The following ADK variants were observed in gnomAD, a reference collection of about 807,000 sequenced individuals.
ADK encodes adenosine kinase.
A neutral mutation model predicts 44.7 loss-of-function variants in ADK; 24 were observed. That is an observed-to-expected ratio of 0.54 (90% confidence interval 0.39 to 0.76). The LOEUF (loss-of-function observed/expected upper bound fraction) is 0.76. Among genes scored for constraint, ADK ranks in the 30% least tolerant of loss-of-function variants. The pLI is 0.00. For synonymous variants in ADK, 128 were observed against 142.6 expected (o/e 0.90, Z 0.73); for missense variants, 321 against 425.1 (o/e 0.76, Z 2.15).
At chr10:74,541,234 C>T (rs1022013596) in intron 7 of ADK, among the ~76,000 whole-genome samples, 26 of 152,084 alleles carry the variant, frequency 1.7e-4, no homozygotes, top group African/African-American at 5.6e-4. Context: ...ATGCTGGTCT[C>T]GAACTCCTGA....
intron 3 of ADK, among the ~76,000 whole-genome samples, chr10:74,310,244 T>C (rs549717742): frequency 5.9e-5 from 9 of 152,286 alleles, no homozygotes; most frequent in East Asian, 3.9e-4. Context: ...GAAAAAGTCA[T>C]GTAAGGAAAA....
intron 3 of ADK, among the ~76,000 whole-genome samples, chr10:74,251,993 T>C (rs73284278): frequency 0.12 from 18,218 of 151,388 alleles, 1,126 homozygotes; most frequent in Middle Eastern, 0.2. Context: ...CCATTTTTCT[T>C]GCTAGTCATT....
At chr10:74,251,917 G>A (rs200702512) in intron 3 of ADK, among the ~76,000 whole-genome samples, 1 of 10,660 alleles carries the variant, frequency 9.4e-5, no homozygotes, top group African/African-American at 3.9e-4. Context: ...TTTTTTTTTT[G>A]TCGACTCACC....
intron 4 of ADK, among the ~76,000 whole-genome samples, chr10:74,355,524 T>C (rs2131921038): frequency 6.6e-6 from 1 of 152,356 alleles, no homozygotes; most frequent in South Asian, 2.1e-4. Context: ...ATAACTTTTA[T>C]CTTCTTTAAT....
chr10:74,459,898 G>T (rs1229933948), intron 6 of ADK, among the ~76,000 whole-genome samples: 1 of 151,752 alleles, frequency 6.6e-6, no homozygotes, highest in African/African-American at 2.4e-5. Flanking sequence ...AGTTAAAAAA[G>T]AAAAAAGTAT....
At chr10:74,358,777 T>A (rs1842226053) in intron 4 of ADK, among the ~76,000 whole-genome samples, 3 of 152,254 alleles carry the variant, frequency 2.0e-5, no homozygotes, top group African/African-American at 4.8e-5. Flanking sequence ...GAAGTGCAGA[T>A]GAATCGAACA....
At chr10:74,357,299 G>T (rs1209948404) in intron 4 of ADK, among the ~76,000 whole-genome samples, 1 of 152,084 alleles carries the variant, frequency 6.6e-6, no homozygotes, top group African/African-American at 2.4e-5. Context: ...GACCTTTGTA[G>T]TGTGGTGGTG....
chr10:74,665,697 T>C (rs2038016342), intron 9 of ADK, among the ~76,000 whole-genome samples: 1 of 146,142 alleles, frequency 6.8e-6, no homozygotes, highest in African/African-American at 2.6e-5. Context: ...ATCACACCAC[T>C]GCACTCCAGC....
chr10:74,460,834 A>G (rs918484652), intron 6 of ADK, among the ~76,000 whole-genome samples: 3 of 152,208 alleles, frequency 2.0e-5, no homozygotes, highest in African/African-American at 7.2e-5. Context: ...AATTACAAAT[A>G]GCTTAAGAAA....
chr10:74,270,259 G>A (rs987154683), intron 3 of ADK, among the ~76,000 whole-genome samples: 8 of 151,978 alleles, frequency 5.3e-5, no homozygotes, highest in Non-Finnish European at 8.8e-5. Context: ...AAATGGAAAC[G>A]GTTGAAAATA....
intron 8 of ADK, among the ~76,000 whole-genome samples, chr10:74,598,582 C>T (rs1203452071): frequency 6.6e-6 from 1 of 151,114 alleles, no homozygotes; most frequent in Admixed American, 6.6e-5. Flanking sequence ...TCCCAAGTAG[C>T]TAGGACTACA....
At chr10:74,666,830 C>CTTTTTTTT (rs11317030) in intron 9 of ADK, among the ~76,000 whole-genome samples, 2 of 109,050 alleles carry the variant, frequency 1.8e-5, no homozygotes, top group Admixed American at 9.8e-5. Flanking sequence ...AGTTTTGTGA[C>CTTTTTTTT]TTTTTTTTTT....
chr10:74,337,049 A>T (rs537082613), intron 4 of ADK, among the ~76,000 whole-genome samples: 162 of 152,170 alleles, frequency 1.1e-3, no homozygotes, highest in Middle Eastern at 3.4e-3. Context: ...AGTATTTTTT[A>T]TTTTTAATGA....
chr10:74,682,071 A>G (rs572708419), intron 10 of ADK, among the ~76,000 whole-genome samples: 22 of 152,306 alleles, frequency 1.4e-4, no homozygotes, highest in African/African-American at 5.3e-4. Context: ...TTAAAATCAA[A>G]TACTGACTCA....
chr10:74,628,207 A>G (rs142020808), intron 9 of ADK, among the ~76,000 whole-genome samples: 1 of 152,246 alleles, frequency 6.6e-6, no homozygotes, highest in Non-Finnish European at 1.5e-5. Flanking sequence ...TTCAGGCTCA[A>G]AGCATCAGCT....
chr10:74,262,749 G>A (rs1564622907), intron 3 of ADK, among the ~76,000 whole-genome samples: 1 of 152,164 alleles, frequency 6.6e-6, no homozygotes, highest in Non-Finnish European at 1.5e-5. Flanking sequence ...CAATTCTAGG[G>A]ATAAGTAGGA....
intron 4 of ADK, among the ~76,000 whole-genome samples, chr10:74,380,654 A>T (rs978328157): frequency 6.6e-6 from 1 of 152,076 alleles, no homozygotes; most frequent in Non-Finnish European, 1.5e-5. Context: ...GCTACTTGGG[A>T]GGCTGAGGCA....
intron 6 of ADK, among the ~76,000 whole-genome samples, chr10:74,478,517 C>G (rs1355286940): frequency 1.3e-5 from 2 of 152,146 alleles, no homozygotes; most frequent in African/African-American, 4.8e-5. Flanking sequence ...GTGACCACAC[C>G]CAGCAATTCT....
At chr10:74,581,556 C>T (rs952261674) in intron 7 of ADK, among the ~76,000 whole-genome samples, 1 of 151,944 alleles carries the variant, frequency 6.6e-6, no homozygotes, top group Non-Finnish European at 1.5e-5. Flanking sequence ...TGTAAACCCA[C>T]AAATCCAAAA....
Sources: gnomAD v4.1 joint callset for allele counts (sites outside exome capture counted in the v4.1 genomes callset) on GRCh38, gnomAD v4.1.1 for gene constraint, MANE v1.5 for transcripts, NCBI Gene and HGNC (gene_info 2026-07-23, HGNC 2026-07-21) for gene names.